The following LARS2 variants were observed in gnomAD, a reference collection of about 807,000 sequenced individuals.
The protein encoded by LARS2 is leucyl-tRNA synthetase 2, mitochondrial.
LARS2 carries 81 observed loss-of-function variants against 116.6 expected under a neutral mutation model. The ratio of observed to expected loss-of-function variants is 0.69; its 90% confidence interval spans 0.58 to 0.84. The LOEUF is 0.84. LARS2 is among the 40% of genes least tolerant of loss of function. LARS2 has a pLI of 0.00. For synonymous variants in LARS2, 396 were observed against 407.2 expected (o/e 0.97, Z 0.33); for missense variants, 968 against 1,114.5 (o/e 0.87, Z 1.87).
chr3:45,475,068 T>C (rs1324593045), intron 9 of LARS2, among the ~76,000 whole-genome samples: 1 of 152,180 alleles, frequency 6.6e-6, no homozygotes, highest in African/African-American at 2.4e-5. Context: ...ACCTGGGCAT[T>C]CTTTTTTTAT....
chr3:45,405,296 T>C (rs939993341), intron 4 of LARS2, among the ~76,000 whole-genome samples: 2 of 152,178 alleles, frequency 1.3e-5, no homozygotes, highest in Non-Finnish European at 2.9e-5. Context: ...TAACATGTTT[T>C]TAGGTCTACA....
In LARS2 at chr3:45,549,368, A is replaced by G. The variant is rs928100498; in HGVS notation, c.*1838A>G. ...TTGAATGTACTCAGTCTCATTGCACATGGCAGTGAATATGGATTAAATATA... is the reference window on the plus strand; with the variant it reads ...TTGAATGTACTCAGTCTCATTGCACGTGGCAGTGAATATGGATTAAATATA... On this transcript the variant is annotated 3_prime_UTR_variant, in exon 22 of 22. Transcript: ENST00000645846. 6.6e-6 allele frequency: 1 copy of G among 152,234 alleles called. No individual in the cohort carries two copies. The highest frequency in any genetic ancestry group is 2.4e-5 in the African/African-American group (1 of 41,462). The allele number at this position is 152,234 out of a possible 1,614,324, so 9.4% of individuals were successfully genotyped here. A position where few individuals can be genotyped will look rare whatever the true frequency, so the allele number is the denominator to read the frequency against.
chr3:45,504,696 G>A (rs1258794103), intron 15 of LARS2, among the ~76,000 whole-genome samples: 3 of 151,758 alleles, frequency 2.0e-5, no homozygotes, highest in African/African-American at 4.8e-5. Flanking sequence ...ATTGATAATG[G>A]GAATTGTGTC....
At chr3:45,415,216 G>T (rs1698393987) in intron 4 of LARS2, among the ~76,000 whole-genome samples, 1 of 152,156 alleles carries the variant, frequency 6.6e-6, no homozygotes, top group East Asian at 1.9e-4. Flanking sequence ...TAAGGGGTTG[G>T]GGGGTAGAGG....
chr3:45,433,497 T>C (rs1307205301), intron 6 of LARS2, among the ~76,000 whole-genome samples: 1 of 152,096 alleles, frequency 6.6e-6, no homozygotes, highest in Admixed American at 6.5e-5. Flanking sequence ...TTAAATAAAG[T>C]GTAGAGGCCT....
chr3:45,536,147 G>C (rs1321152131), intron 20 of LARS2, among the ~76,000 whole-genome samples: 2 of 51,496 alleles, frequency 3.9e-5, no homozygotes, highest in Non-Finnish European at 7.1e-5. Context: ...TTTGAGACAG[G>C]GTCTCACTCT....
At chr3:45,483,026 C>T (rs1699732924) in intron 10 of LARS2, among the ~76,000 whole-genome samples, 1 of 152,174 alleles carries the variant, frequency 6.6e-6, no homozygotes, top group African/African-American at 2.4e-5. Flanking sequence ...CCTCCATGGC[C>T]ACACCTAGCT....
chr3:45,545,478 A>C (rs903656179), intron 21 of LARS2, among the ~76,000 whole-genome samples: 1 of 152,142 alleles, frequency 6.6e-6, no homozygotes, highest in Admixed American at 6.5e-5. Flanking sequence ...TTGAGTCCCA[A>C]CCTGACTTCT....
At chr3:45,457,029 C>G (rs994166858) in intron 7 of LARS2, among the ~76,000 whole-genome samples, 3 of 152,228 alleles carry the variant, frequency 2.0e-5, no homozygotes, top group Admixed American at 1.3e-4. Context: ...CAGGGAAACT[C>G]AGAAGGGACG....
chr3:45,549,310 CAG>C lies in LARS2; in HGVS notation c.*1781_*1782del, dbSNP rs1700914850. 6.6e-6 allele frequency: 1 copy of C among 152,210 alleles called. No homozygotes were observed. Among genetic ancestry groups the C allele is most frequent in the Admixed American group, 6.5e-5 (1 of 15,286 alleles). The allele number at this position is 152,210 out of a possible 1,614,324, so 9.4% of individuals were successfully genotyped here. On this transcript the variant is annotated 3_prime_UTR_variant, in exon 22 of 22. Transcript: ENST00000645846. ...CCAAGAGTTGGACCAAAAGGGAAGA[CAG>C]GGGCCAGAAGTCTAGAGTGCTAGAG... is the stretch of plus-strand genomic sequence containing the variant.
intron 3 of LARS2, among the ~76,000 whole-genome samples, chr3:45,399,630 TTTTC>T (rs746130180): frequency 3.3e-5 from 5 of 152,158 alleles, no homozygotes; most frequent in Admixed American, 6.5e-5. Context: ...TTGGGACCGC[TTTTC>T]TTTCTTTCTT....
At chr3:45,536,613 C>T (rs77157227) in intron 20 of LARS2, among the ~76,000 whole-genome samples, 12 of 152,316 alleles carry the variant, frequency 7.9e-5, no homozygotes, top group African/African-American at 1.9e-4. Context: ...TGCCCAGCTT[C>T]GGGAGAAAAG....
chr3:45,502,861 C>A (rs1295949967), intron 15 of LARS2, among the ~76,000 whole-genome samples: 1 of 151,892 alleles, frequency 6.6e-6, no homozygotes, highest in Non-Finnish European at 1.5e-5. Context: ...GTAGTATTTT[C>A]ATGGTATCTT....
At chr3:45,453,889 G>A (rs1443994672) in intron 7 of LARS2, among the ~76,000 whole-genome samples, 4 of 152,114 alleles carry the variant, frequency 2.6e-5, no homozygotes, top group Admixed American at 6.6e-5. Context: ...GAAAAGCAGA[G>A]CTTGAGGGGA....
At chr3:45,393,807 G>T (rs1032966018) in intron 2 of LARS2, among the ~76,000 whole-genome samples, 1 of 152,144 alleles carries the variant, frequency 6.6e-6, no homozygotes, top group Non-Finnish European at 1.5e-5. Flanking sequence ...CTGAGTGAAA[G>T]AGCAGGACCC....
At chr3:45,412,230 T>G (rs1204744810) in intron 4 of LARS2, among the ~76,000 whole-genome samples, 1 of 152,104 alleles carries the variant, frequency 6.6e-6, no homozygotes, top group Non-Finnish European at 1.5e-5. Flanking sequence ...CTGGGTCAAA[T>G]GGTAATTCTG....
chr3:45,465,850 A>G (rs1699415080), intron 8 of LARS2, among the ~76,000 whole-genome samples: 1 of 152,142 alleles, frequency 6.6e-6, no homozygotes, highest in African/African-American at 2.4e-5. Context: ...TCAATTCTCT[A>G]TCATCATCTC....
intron 4 of LARS2, among the ~76,000 whole-genome samples, chr3:45,406,555 G>A (rs918187208): frequency 6.6e-6 from 1 of 152,150 alleles, no homozygotes; most frequent in Admixed American, 6.5e-5. Context: ...GTATGTAGAG[G>A]GGCAGGTGGT....
intron 11 of LARS2, among the ~76,000 whole-genome samples, chr3:45,487,811 C>T (rs1197541196): frequency 2.0e-5 from 3 of 152,078 alleles, no homozygotes; most frequent in Admixed American, 2.0e-4. Context: ...ATACCCGAAG[C>T]CAAAACAGCA....
Sources: gnomAD v4.1 joint callset for allele counts (sites outside exome capture counted in the v4.1 genomes callset) on GRCh38, gnomAD v4.1.1 for gene constraint, MANE v1.5 for transcripts, NCBI Gene and HGNC (gene_info 2026-07-23, HGNC 2026-07-21) for gene names.